ABCA5: variants seen among roughly 807,000 people sequenced by gnomAD.
ABCA5 encodes the protein ATP binding cassette subfamily A member 5, also known as cholesterol transporter ABCA5.
A neutral mutation model predicts 206.0 loss-of-function variants in ABCA5; 163 were observed. The observed-to-expected ratio is 0.79, with a 90% confidence interval of 0.70 to 0.90. The LOEUF (loss-of-function observed/expected upper bound fraction) is 0.90, where lower values mean the gene tolerates loss of function less well. Among genes scored for constraint, ABCA5 ranks in the 40% least tolerant of loss-of-function variants. The probability of loss-of-function intolerance (pLI) is 0.00; values close to 1 mark genes in which losing one functional copy is unlikely to be tolerated. For missense variants in ABCA5, 1,859 were observed against 1,912.9 expected (o/e 0.97, Z 0.53); for synonymous variants, 609 against 613.8 (o/e 0.99, Z 0.11).
chr17:69,283,816 A>G (rs2075421764), intron 18 of ABCA5, 137 bp downstream of exon 18: 2 of 268,932 alleles, frequency 7.4e-6, no homozygotes, highest in African/African-American at 1.1e-4. Flanking sequence ...TCCTATCACT[A>G]TCAGTATCTC....
chr17:69,276,299 G>T (rs926154475), intron 19 of ABCA5, among the ~76,000 whole-genome samples: 35 of 152,212 alleles, frequency 2.3e-4, no homozygotes, highest in African/African-American at 8.4e-4. Context: ...ATGTTGGCCA[G>T]GATGGCCTTG....
At chr17:69,280,156 G>A (rs1266139949) in intron 18 of ABCA5, among the ~76,000 whole-genome samples, 27 of 151,920 alleles carry the variant, frequency 1.8e-4, no homozygotes, top group Admixed American at 5.9e-4. Flanking sequence ...CTAATATCCA[G>A]AATCTACAAT....
At chr17:69,261,467 G>A (rs1300475960) in intron 25 of ABCA5, among the ~76,000 whole-genome samples, 168 bp downstream of exon 25, 1 of 151,938 alleles carries the variant, frequency 6.6e-6, no homozygotes, top group Non-Finnish European at 1.5e-5. Flanking sequence ...TTGTTCCTAC[G>A]TGGAAAGGAT....
chr17:69,308,925 T>G (rs1218105944), intron 4 of ABCA5, among the ~76,000 whole-genome samples: 1 of 152,028 alleles, frequency 6.6e-6, no homozygotes, highest in Non-Finnish European at 1.5e-5. Context: ...CCTCAAGATT[T>G]TAAAGATTTG....
chr17:69,281,992 G>A (rs1224566516), intron 18 of ABCA5, among the ~76,000 whole-genome samples: 1 of 151,996 alleles, frequency 6.6e-6, no homozygotes, highest in Non-Finnish European at 1.5e-5. Flanking sequence ...CAAACATTTT[G>A]CTAACCTTCG....
chr17:69,246,469 G>C lies in ABCA5; in HGVS notation c.*1068C>G, dbSNP rs1255988452. The C allele has an allele frequency of 6.6e-6, 1 of 151,780 alleles. No individual in the cohort carries two copies. The highest frequency in any genetic ancestry group is 2.4e-5 in the African/African-American group (1 of 41,378). The allele number at this position is 151,780 out of a possible 1,614,324, so 9.4% of individuals were successfully genotyped here. A position where few individuals can be genotyped will look rare whatever the true frequency, so the allele number is the denominator to read the frequency against. ...TTAACTCTATCAAAAATGAAATTCTGGTTCTTATTAAAAAGAAATAGGCGC... is the reference window on the plus strand; with the variant it reads ...TTAACTCTATCAAAAATGAAATTCTCGTTCTTATTAAAAAGAAATAGGCGC... On this transcript the variant is annotated 3_prime_UTR_variant, in exon 39 of 39. Transcript: ENST00000392676.
intron 14 of ABCA5, 127 bp downstream of exon 14, chr17:69,289,050 T>C (rs946050383): frequency 1.1e-6 from 1 of 897,908 alleles, no homozygotes; most frequent in Non-Finnish European, 1.5e-6. Flanking sequence ...TATGATTATA[T>C]CCATAATAAC....
chr17:69,300,865 TA>T (rs1161136216), intron 9 of ABCA5, among the ~76,000 whole-genome samples: 1 of 152,034 alleles, frequency 6.6e-6, no homozygotes, highest in Admixed American at 6.6e-5. Flanking sequence ...ATACTTCAAT[TA>T]AAAAAGACTG....
rs761384126 is a variant in ABCA5 at position 69,289,892 on chromosome 17, TTTGA to T, written c.1748_1751del (p.Ile583LysfsTer8). ...GTATTATATTGTTGGCTGGTATCCC[TTTGA>T]TTGAAGCCAAAATTGATAAATTTTC... On this transcript the variant is annotated frameshift_variant, in exon 13 of 39. Coordinates refer to ENST00000392676, the MANE Select transcript of ABCA5 (RefSeq NM_172232.4). LOFTEE classifies it high-confidence loss of function. The T allele has an allele frequency of 3.7e-6, 6 of 1,610,846 alleles. 1 individual carries two copies. The African/African-American group carries it at 8.0e-5, about 22-fold the overall frequency.
intron 1 of ABCA5, among the ~76,000 whole-genome samples, chr17:69,316,739 A>C (rs1435937237): frequency 1.3e-5 from 2 of 152,230 alleles, no homozygotes; most frequent in African/African-American, 4.8e-5. Flanking sequence ...TAGACTGCTG[A>C]AAATTAAGAC....
rs2075042720 is a variant in ABCA5 at position 69,253,672 on chromosome 17, A to T, written c.4321-5T>A. 6.2e-7 allele frequency: 1 copy of T among 1,611,598 alleles called. No homozygotes were observed. The highest frequency in any genetic ancestry group is 1.3e-5 in the African/African-American group (1 of 74,878). ...CATACTTAGAGCAAAACACAACTAC[A>T]TGGAAAGAAAAAGATGGGTGGGAAA... is the stretch of plus-strand genomic sequence containing the variant. On this transcript the variant is annotated splice_region_variant and splice_polypyrimidine_tract_variant and intron_variant, in intron 33 of 38. Coordinates refer to ENST00000392676, the MANE Select transcript of ABCA5 (RefSeq NM_172232.4).
intron 18 of ABCA5, among the ~76,000 whole-genome samples, chr17:69,279,709 A>C (rs1276044855): frequency 6.6e-6 from 1 of 151,802 alleles, no homozygotes; most frequent in African/African-American, 2.4e-5. Context: ...AACAGAACAG[A>C]GCCCTCAGAA....
chr17:69,283,602 C>T (rs1431708161), intron 18 of ABCA5, among the ~76,000 whole-genome samples: 2 of 152,044 alleles, frequency 1.3e-5, no homozygotes, highest in African/African-American at 2.4e-5. Context: ...TTTTTTTATC[C>T]CTCAAAGACA....
intron 23 of ABCA5, among the ~76,000 whole-genome samples, chr17:69,266,932 T>C (rs1006877931): frequency 2.0e-5 from 3 of 151,910 alleles, no homozygotes; most frequent in Non-Finnish European, 4.4e-5. Flanking sequence ...TGGAGTGCAA[T>C]GGCATGATCT....
At position 69,264,874 on chromosome 17, in the gene ABCA5, C is replaced by A; in HGVS notation, c.3176G>T (p.Gly1059Val). ...IKAYTQLKLS[G>V]LLPSAYWIGQ... ...AATCCAATATGCAGATGGCAAAAGA[C>A]CTGAAAGTTTAAGTTGAGTATAAGC... is the stretch of plus-strand genomic sequence containing the variant. Residue 1059 changes from glycine (G) to valine (V), a missense_variant, in exon 24 of 39, where the codon GGT becomes GTT. Coordinates refer to ENST00000392676, the MANE Select transcript of ABCA5 (RefSeq NM_172232.4). 6.5e-7 allele frequency: 1 copy of A among 1,547,924 alleles called. No homozygotes were observed. The highest frequency in any genetic ancestry group is 8.7e-7 in the Non-Finnish European group (1 of 1,150,910).
intron 38 of ABCA5, 36 bp from the exon 39 acceptor site, chr17:69,247,680 T>C (rs748657175): frequency 1.6e-6 from 2 of 1,261,882 alleles, no homozygotes; most frequent in East Asian, 2.4e-5. Context: ...CAGTATGCTG[T>C]ATCTCAAGTA....
intron 36 of ABCA5, 72 bp from the exon 37 acceptor site, chr17:69,250,056 A>G: frequency 3.1e-6 from 3 of 957,660 alleles, no homozygotes; most frequent in Non-Finnish European, 4.4e-6. Context: ...AAAGTTCAAC[A>G]TGTTTAAAAT....
chr17:69,255,867 T>G lies in ABCA5; in HGVS notation c.3859-17A>C. The G allele has an allele frequency of 6.6e-7, 1 of 1,517,504 alleles. No homozygotes were observed. The highest frequency in any genetic ancestry group is 8.9e-7 in the Non-Finnish European group (1 of 1,122,958). 94.0% of individuals were successfully genotyped at this position (1,517,504 alleles called of 1,614,324 possible). On this transcript the variant is annotated splice_polypyrimidine_tract_variant and intron_variant, in intron 29 of 38. Coordinates refer to ENST00000392676, the MANE Select transcript of ABCA5 (RefSeq NM_172232.4). ...GGATGGTTTCTAATAAGAAAAATTGTATTTAAAAAGAAAGTTATAAAACTT... is the reference window on the plus strand; with the variant it reads ...GGATGGTTTCTAATAAGAAAAATTGGATTTAAAAAGAAAGTTATAAAACTT...
chr17:69,318,231 A>C (rs1051062592), intron 1 of ABCA5, among the ~76,000 whole-genome samples: 12 of 151,918 alleles, frequency 7.9e-5, no homozygotes, highest in African/African-American at 2.9e-4. Context: ...AGTAACTGGG[A>C]TTACAGGCGC....
Sources: allele counts gnomAD v4.1 joint callset (sites outside exome capture counted in the v4.1 genomes callset), GRCh38; gene constraint gnomAD v4.1.1; transcripts MANE v1.5; gene names NCBI Gene and HGNC (gene_info 2026-07-23, HGNC 2026-07-21).